The following TMTC2 variants were observed in gnomAD, a reference collection of about 807,000 sequenced individuals.
TMTC2 encodes transmembrane O-mannosyltransferase targeting cadherins 2.
TMTC2 carries 43 observed loss-of-function variants against 82.4 expected under a neutral mutation model. That is an observed-to-expected ratio of 0.52 (90% confidence interval 0.41 to 0.67). The LOEUF is 0.67. TMTC2 is among the 30% of genes least tolerant of loss of function. The pLI is 0.00. For synonymous variants in TMTC2, 408 were observed against 381.9 expected, an observed-to-expected ratio of 1.07 and a Z score of -0.80; for missense variants, 919 against 1,012.4, an observed-to-expected ratio of 0.91 and a Z score of 1.25.
At chr12:83,095,593 C>T (rs538784045) in intron 11 of TMTC2, among the ~76,000 whole-genome samples, 149 of 152,002 alleles carry the variant, frequency 9.8e-4, no homozygotes, top group African/African-American at 3.5e-3. Flanking sequence ...TATCCCGAGA[C>T]GGGGAAAGAC....
At chr12:82,908,621 G>C (rs1194118621) in intron 3 of TMTC2, among the ~76,000 whole-genome samples, 1 of 151,980 alleles carries the variant, frequency 6.6e-6, no homozygotes, top group African/African-American at 2.4e-5. Context: ...TTTCTCTCTT[G>C]TGGTGTCATA....
chr12:82,687,682 G>A lies in TMTC2; in HGVS notation c.83+13G>A, dbSNP rs1014741414. 4 of 1,599,848 alleles carry A rather than the reference G, an allele frequency of 2.5e-6. No homozygotes were observed. In the African/African-American group the frequency reaches 5.3e-5, roughly 21 times the overall value. ...GCTATGATGACAGGTAAGGGGCCGAGAGGAGGGGGCGACGGGCTGCAGGGG... is the reference window on the plus strand; with the variant it reads ...GCTATGATGACAGGTAAGGGGCCGAAAGGAGGGGGCGACGGGCTGCAGGGG... On this transcript the variant is annotated intron_variant, in intron 1 of 11. Coordinates refer to ENST00000321196, the MANE Select transcript of TMTC2 (RefSeq NM_152588.3).
intron 9 of TMTC2, among the ~76,000 whole-genome samples, chr12:83,037,627 C>G (rs1881714959): frequency 6.6e-6 from 1 of 152,088 alleles, no homozygotes. Context: ...TCATTTCTCA[C>G]TTGTGATTTT....
intron 3 of TMTC2, among the ~76,000 whole-genome samples, chr12:82,905,149 G>A (rs1370795269): frequency 2.0e-5 from 3 of 151,946 alleles, no homozygotes; most frequent in Non-Finnish European, 2.9e-5. Flanking sequence ...GTGATCTGCC[G>A]GGATCTCAAA....
chr12:82,870,270 CCTT>C (rs1278081548), intron 2 of TMTC2, among the ~76,000 whole-genome samples: 1 of 152,132 alleles, frequency 6.6e-6, no homozygotes, highest in Non-Finnish European at 1.5e-5. Flanking sequence ...GATAGGGTCT[CCTT>C]ATTTGCATTT....
At chr12:82,876,130 A>ATGG (rs575160141) in intron 2 of TMTC2, among the ~76,000 whole-genome samples, 3,289 of 111,188 alleles carry the variant, frequency 0.03, 57 homozygotes, top group African/African-American at 0.064. Context: ...GGTATTAGTA[A>ATGG]TGGTGGTGGT....
chr12:83,081,943 C>CTGAGTG (rs1883486995), intron 11 of TMTC2, among the ~76,000 whole-genome samples: 1 of 152,070 alleles, frequency 6.6e-6, no homozygotes, highest in South Asian at 2.1e-4. Context: ...GATCACACCA[C>CTGAGTG]TGTACTCCAT....
At chr12:82,738,498 A>G (rs1209384035) in intron 1 of TMTC2, among the ~76,000 whole-genome samples, 2 of 152,208 alleles carry the variant, frequency 1.3e-5, no homozygotes, top group Admixed American at 6.5e-5. Context: ...ATAGTTACTT[A>G]TACCTTAAAG....
intron 1 of TMTC2, among the ~76,000 whole-genome samples, chr12:82,817,716 A>G (rs1868831891): frequency 1.3e-5 from 2 of 152,312 alleles, no homozygotes; most frequent in South Asian, 4.1e-4. Flanking sequence ...CTGGCACTTC[A>G]TTTACTCCAT....
At chr12:82,991,053 A>T (rs1879378293) in intron 8 of TMTC2, among the ~76,000 whole-genome samples, 1 of 152,180 alleles carries the variant, frequency 6.6e-6, no homozygotes, top group Admixed American at 6.6e-5. Flanking sequence ...GATATTTAAT[A>T]GAAGCTTGAT....
At chr12:82,798,401 G>A (rs1449065400) in intron 1 of TMTC2, among the ~76,000 whole-genome samples, 2 of 149,598 alleles carry the variant, frequency 1.3e-5, no homozygotes, top group Non-Finnish European at 3.0e-5. Context: ...GGAGGCTGAG[G>A]CAGGAGAATG....
At chr12:82,772,887 G>T (rs945773162) in intron 1 of TMTC2, among the ~76,000 whole-genome samples, 1 of 151,998 alleles carries the variant, frequency 6.6e-6, no homozygotes, top group African/African-American at 2.4e-5. Context: ...GTGTCGGAGT[G>T]GGGGGAGACA....
At chr12:83,121,577 CTT>C (rs1420808418) in intron 11 of TMTC2, among the ~76,000 whole-genome samples, 1 of 152,016 alleles carries the variant, frequency 6.6e-6, no homozygotes, top group Non-Finnish European at 1.5e-5. Flanking sequence ...GAAATGGACT[CTT>C]TGAGGGTTCT....
intron 1 of TMTC2, among the ~76,000 whole-genome samples, chr12:82,800,286 G>T (rs1878929557): frequency 6.6e-6 from 1 of 152,288 alleles, no homozygotes; most frequent in Non-Finnish European, 1.5e-5. Context: ...AGGTCCTGCT[G>T]CCTCTTGCAG....
chr12:82,697,393 C>A (rs1232100332), intron 1 of TMTC2, among the ~76,000 whole-genome samples: 2 of 150,362 alleles, frequency 1.3e-5, no homozygotes, highest in African/African-American at 4.9e-5. Flanking sequence ...TACTGTTATT[C>A]CCACGTACAG....
Position 82,948,459 on chromosome 12 carries a change from T to C in TMTC2, c.1599-16565T>C, listed in dbSNP as rs750531060. Among the ~76,000 whole-genome samples, 7 of 152,328 alleles carry C rather than the reference T, an allele frequency of 4.6e-5. No individual in the cohort carries two copies. The East Asian group carries it at 7.7e-4, about 17-fold the overall frequency. On this transcript the variant is annotated intron_variant, in intron 4 of 11. Transcript: ENST00000321196. ...AACCTTCAAGTGAATTGTTGCTAAGTTGAAAAATCTATTCCAAGCAAAAAA... is the reference window on the plus strand; with the variant it reads ...AACCTTCAAGTGAATTGTTGCTAAGCTGAAAAATCTATTCCAAGCAAAAAA...
intron 8 of TMTC2, among the ~76,000 whole-genome samples, chr12:83,023,307 T>G (rs1881020861): frequency 6.6e-6 from 1 of 152,242 alleles, no homozygotes; most frequent in Admixed American, 6.5e-5. Flanking sequence ...CCATTATTTT[T>G]TGGTATTTGC....
At chr12:82,748,918 A>G (rs1287369067) in intron 1 of TMTC2, among the ~76,000 whole-genome samples, 1 of 152,240 alleles carries the variant, frequency 6.6e-6, no homozygotes, top group Non-Finnish European at 1.5e-5. Context: ...ATGTATGTGT[A>G]TATATGTATG....
chr12:82,828,339 G>T (rs867137435), intron 1 of TMTC2, among the ~76,000 whole-genome samples: 45 of 149,524 alleles, frequency 3.0e-4, no homozygotes, highest in African/African-American at 1.0e-3. Context: ...TCATCCTTCC[G>T]ATTAGCTGGA....
Sources: gnomAD v4.1 joint callset for allele counts (sites outside exome capture counted in the v4.1 genomes callset) on GRCh38, gnomAD v4.1.1 for gene constraint, MANE v1.5 for transcripts, NCBI Gene and HGNC (gene_info 2026-07-23, HGNC 2026-07-21) for gene names.